Variants in ANXA8 observed in about 807,000 individuals in gnomAD.
ANXA8 encodes VAC-beta.
A neutral mutation model predicts 26.8 loss-of-function variants in ANXA8; 9 were observed. The ratio of observed to expected loss-of-function variants is 0.34; its 90% CI spans 0.20 to 0.59. The LOEUF is 0.59. Among genes scored for constraint, ANXA8 ranks in the 20% least tolerant of loss-of-function variants. ANXA8 has a pLI of 0.84. For missense variants in ANXA8, 83 were observed against 238.5 expected (o/e 0.35, Z 4.29); for synonymous variants, 39 against 94.8 (o/e 0.41, Z 3.42).
chr10:47,525,631 CATT>C, the ANXA8 span, among the ~76,000 whole-genome samples: 119 of 136,494 alleles, frequency 8.7e-4, 12 homozygotes, highest in African/African-American at 3.0e-3. Flanking sequence ...TGGGAAATGA[CATT>C]GTAGATTATT....
At chr10:47,558,506 A>G in the ANXA8 span, among the ~76,000 whole-genome samples, 11 of 150,740 alleles carry the variant, frequency 7.3e-5, no homozygotes, top group Non-Finnish European at 1.5e-4. Context: ...TAATGCATCA[A>G]TGGAGTCTAA....
chr10:47,950,450 C>T, the ANXA8 span, among the ~76,000 whole-genome samples: 1,063 of 142,974 alleles, frequency 7.4e-3, no homozygotes, highest in African/African-American at 0.031. Flanking sequence ...GTGTAGTGTT[C>T]TATATCCTAG....
At chr10:47,735,340 T>C in the ANXA8 span, among the ~76,000 whole-genome samples, 1 of 146,292 alleles carries the variant, frequency 6.8e-6, no homozygotes, top group Admixed American at 6.9e-5. Flanking sequence ...ACCGACCCTC[T>C]TGCCTTGGCC....
At chr10:47,894,478 C>G in the ANXA8 span, among the ~76,000 whole-genome samples, 1 of 145,498 alleles carries the variant, frequency 6.9e-6, no homozygotes, top group Admixed American at 6.8e-5. Flanking sequence ...AAACACTGCA[C>G]CACACACTGG....
At chr10:47,658,051 T>C in the ANXA8 span, among the ~76,000 whole-genome samples, 26 of 151,880 alleles carry the variant, frequency 1.7e-4, no homozygotes, top group African/African-American at 5.6e-4. Flanking sequence ...AAAGTGGTTT[T>C]CTCCATCTGT....
the ANXA8 span, among the ~76,000 whole-genome samples, chr10:47,705,290 T>C: frequency 7.1e-6 from 1 of 140,642 alleles, no homozygotes; most frequent in Non-Finnish European, 1.5e-5. Context: ...AGATACAAGT[T>C]TAGTCTTTTA....
the ANXA8 span, among the ~76,000 whole-genome samples, chr10:47,733,172 T>TCTTC: frequency 9.7e-6 from 1 of 102,738 alleles, no homozygotes; most frequent in African/African-American, 3.1e-5. Context: ...TTTCTTTCTT[T>TCTTC]CTTTCTTTCT....
At chr10:47,940,384 G>C in the ANXA8 span, among the ~76,000 whole-genome samples, 6 of 146,846 alleles carry the variant, frequency 4.1e-5, 1 homozygote, top group Non-Finnish European at 5.9e-5. Flanking sequence ...GACCAGGGAG[G>C]TGCTAGGCCA....
chr10:47,744,413 G>GGGGGGGGGGGTTGGGGGGGGAGGGGGGAA, the ANXA8 span, among the ~76,000 whole-genome samples: 1 of 3,978 alleles, frequency 2.5e-4, no homozygotes, highest in African/African-American at 8.1e-4. Flanking sequence ...GCTCCTGGTG[G>GGGGGGGGGGGTTGGGGGGGGAGGGGGGAA]GGGGGGGGTT....
the ANXA8 span, among the ~76,000 whole-genome samples, chr10:47,686,160 T>G: frequency 7.3e-5 from 11 of 151,456 alleles, no homozygotes; most frequent in Non-Finnish European, 1.6e-4. Flanking sequence ...TTGGTTGAAC[T>G]GCCCCAGGCT....
rs1396915546 is a variant in ANXA8, at chr10:47,484,105, C to T, written c.-172G>A. ...CCACACCTGCCTGCCGTCCCCTCGC[C>T]CCCGGGCTCTGCCTGGCTTTGGGCA... On this transcript the variant is annotated 5_prime_UTR_variant, in exon 1 of 12. Coordinates refer to ENST00000585281, the MANE Select transcript of ANXA8 (RefSeq NM_001040084.3). The T allele has an allele frequency of 1.7e-4, 265 of 1,553,990 alleles. No homozygotes were observed. The highest frequency in any genetic ancestry group is 2.3e-4 in the Non-Finnish European group (257 of 1,133,598).
chr10:47,900,848 A>C, the ANXA8 span, among the ~76,000 whole-genome samples: 7 of 151,116 alleles, frequency 4.6e-5, no homozygotes, highest in Non-Finnish European at 8.8e-5. Flanking sequence ...TATATTATAG[A>C]AGAATGTAAA....
chr10:47,905,680 A>C, the ANXA8 span, among the ~76,000 whole-genome samples: 1 of 149,534 alleles, frequency 6.7e-6, no homozygotes, highest in African/African-American at 2.5e-5. Context: ...CAAACGGTAA[A>C]GGTCACAGAG....
chr10:47,733,289 T>G, the ANXA8 span, among the ~76,000 whole-genome samples: 3 of 84,924 alleles, frequency 3.5e-5, no homozygotes, highest in Non-Finnish European at 7.1e-5. Flanking sequence ...CTTTCTTTCT[T>G]TCTTTCTTTT....
chr10:47,742,954 A>T, the ANXA8 span, among the ~76,000 whole-genome samples: 2 of 141,676 alleles, frequency 1.4e-5, no homozygotes, highest in African/African-American at 5.2e-5. Context: ...GGAGATCGAG[A>T]CCATCCTGGT....
chr10:47,610,835 T>C, the ANXA8 span, among the ~76,000 whole-genome samples: 1 of 86,194 alleles, frequency 1.2e-5, no homozygotes, highest in Admixed American at 1.3e-4. Flanking sequence ...AGGGAAATAA[T>C]AAGCAGCACT....
At chr10:47,763,790 TGG>T in the ANXA8 span, among the ~76,000 whole-genome samples, 4 of 106,944 alleles carry the variant, frequency 3.7e-5, no homozygotes, top group East Asian at 2.9e-4. Context: ...AGTGTGTGTG[TGG>T]GGGGGGGAGG....
At chr10:47,636,797 T>C in the ANXA8 span, among the ~76,000 whole-genome samples, 1 of 152,078 alleles carries the variant, frequency 6.6e-6, no homozygotes, top group Non-Finnish European at 1.5e-5. Flanking sequence ...CTCAAGAGGC[T>C]TGTAAACTGA....
the ANXA8 span, among the ~76,000 whole-genome samples, chr10:47,688,432 T>A: frequency 1.3e-5 from 2 of 149,794 alleles, no homozygotes; most frequent in Non-Finnish European, 3.0e-5. Context: ...AGTAATTTTT[T>A]TTTTTTTGAG....
Sources: allele counts gnomAD v4.1 joint callset (sites outside exome capture counted in the v4.1 genomes callset), GRCh38; gene constraint gnomAD v4.1.1; transcripts MANE v1.5; gene names NCBI Gene and HGNC (gene_info 2026-07-23, HGNC 2026-07-21).